The following NR1D2 variants were observed in gnomAD, a reference collection of about 807,000 sequenced individuals.
NR1D2 encodes the protein nuclear receptor subfamily 1 group D member 2.
Under a neutral mutation model 52.2 loss-of-function variants are expected in NR1D2, and 25 were observed. That is an observed-to-expected ratio of 0.48 (90% CI 0.35 to 0.67). NR1D2 has a LOEUF of 0.67. NR1D2 is among the 30% of genes least tolerant of loss of function. NR1D2 has a pLI of 0.01. For synonymous variants in NR1D2, 259 were observed against 230.1 expected, an observed-to-expected ratio of 1.13 and a Z score of -1.14; for missense variants, 681 against 707.2, an observed-to-expected ratio of 0.96 and a Z score of 0.42.
intron 5 of NR1D2, 83 bp downstream of exon 5, chr3:23,962,688 G>C: frequency 7.6e-7 from 1 of 1,321,912 alleles, no homozygotes; most frequent in African/African-American, 1.5e-5. Context: ...ATGCTAACTT[G>C]GGGGGATGGT....
chr3:23,962,233 C>A lies in NR1D2; in HGVS notation c.774C>A (p.Thr258=), dbSNP rs751939650. The part of the protein sequence containing the change: ...FAKEEVIGMV[T]RAHKDTFMYN... ...AGGAAGAAGTGATTGGCATGGTGAC[C>A]AGAGCTCACAAGGATACCTTTATGT... is the stretch of plus-strand genomic sequence containing the variant. Residue 258 remains threonine, a synonymous_variant, in exon 5 of 8, where the codon ACC becomes ACA. Coordinates refer to ENST00000312521, the MANE Select transcript of NR1D2 (RefSeq NM_005126.5). 1.2e-6 allele frequency: 2 copies of A among 1,614,106 alleles called. No homozygotes were observed. Among genetic ancestry groups the A allele is most frequent in the Admixed American group, 3.3e-5 (2 of 60,008 alleles).
intron 5 of NR1D2, among the ~76,000 whole-genome samples, chr3:23,964,355 G>A (rs1283595686): frequency 6.6e-6 from 1 of 152,200 alleles, no homozygotes; most frequent in Non-Finnish European, 1.5e-5. Flanking sequence ...GAGATTACAG[G>A]CGTGAGCCAC....
At chr3:23,961,389 C>CT (rs869108010) in intron 4 of NR1D2, among the ~76,000 whole-genome samples, 8,246 of 75,926 alleles carry the variant, frequency 0.11, 870 homozygotes, top group African/African-American at 0.26. Flanking sequence ...CTTTTTCTTT[C>CT]TTTTTTTTTT....
chr3:23,951,192 A>G (rs1705921149), intron 1 of NR1D2, among the ~76,000 whole-genome samples: 1 of 152,202 alleles, frequency 6.6e-6, no homozygotes, highest in South Asian at 2.1e-4. Flanking sequence ...GGCGTGAGCC[A>G]CTGTGCCCGG....
intron 3 of NR1D2, 62 bp downstream of exon 3, chr3:23,956,187 T>G: frequency 7.4e-7 from 1 of 1,346,996 alleles, no homozygotes; most frequent in Non-Finnish European, 1.1e-6. Flanking sequence ...TGGGTTTAGA[T>G]TTACCCATTT....
chr3:23,964,890 T>A, intron 5 of NR1D2, 87 bp from the exon 6 acceptor site: 1 of 875,472 alleles, frequency 1.1e-6, no homozygotes, highest in South Asian at 1.7e-5. Context: ...AAATTCATGT[T>A]GGGGTTTCTG....
intron 6 of NR1D2, among the ~76,000 whole-genome samples, chr3:23,966,875 C>A (rs528960222): frequency 6.6e-6 from 1 of 151,354 alleles, no homozygotes; most frequent in African/African-American, 2.4e-5. Flanking sequence ...ACAAAAAATA[C>A]AAAAATTAGC....
chr3:23,974,509 T>C (rs1031993400), intron 7 of NR1D2, among the ~76,000 whole-genome samples: 2 of 152,212 alleles, frequency 1.3e-5, no homozygotes, highest in African/African-American at 2.4e-5. Flanking sequence ...TCTGTCAGAA[T>C]GTAAGCTCCT....
At chr3:23,951,378 T>G (rs1489922343) in intron 1 of NR1D2, among the ~76,000 whole-genome samples, 1 of 152,240 alleles carries the variant, frequency 6.6e-6, no homozygotes, top group Non-Finnish European at 1.5e-5. Flanking sequence ...AGACACTATT[T>G]TAGAGAAGAC....
rs1559336869 is a variant in NR1D2, at chr3:23,968,031, A to G, written c.1543+8A>G. On this transcript the variant is annotated splice_region_variant and intron_variant, in intron 7 of 7. Transcript: ENST00000312521. ...TTGTCCTGGTATCTGCAGGTAAGCA[A>G]GCTGGTTCAAAATTGTGCCACACCT... is the stretch of plus-strand genomic sequence containing the variant. The G allele has an allele frequency of 6.2e-7, 1 of 1,612,968 alleles. No individual in the cohort carries two copies. The highest frequency in any genetic ancestry group is 1.1e-5 in the South Asian group (1 of 91,062).
rs1387290626 is a variant in NR1D2, at chr3:23,971,676, G to T, written c.1543+3653G>T. Among the ~76,000 whole-genome samples, 6 of 145,974 alleles carry T rather than the reference G, an allele frequency of 4.1e-5. No homozygotes were observed. The East Asian group carries it at 1.2e-3, about 29-fold the overall frequency. ...TTTAATTTACTTTAATGGTTTTGTTGGTAATTTTAATATACTCACAGTTTT... is the reference window on the plus strand; with the variant it reads ...TTTAATTTACTTTAATGGTTTTGTTTGTAATTTTAATATACTCACAGTTTT... On this transcript the variant is annotated intron_variant, in intron 7 of 7. Transcript: ENST00000312521.
chr3:23,964,694 C>T (rs955553467), intron 5 of NR1D2: 7 of 256,404 alleles, frequency 2.7e-5, no homozygotes, highest in African/African-American at 8.9e-5. Flanking sequence ...ACAAAATAAA[C>T]TCTTAAACCT....
intron 7 of NR1D2, among the ~76,000 whole-genome samples, chr3:23,971,568 C>G (rs1449032328): frequency 6.6e-6 from 1 of 152,130 alleles, no homozygotes; most frequent in African/African-American, 2.4e-5. Flanking sequence ...CGTGCCCAGC[C>G]TATACCTCTT....
chr3:23,969,818 G>T (rs1363773743), intron 7 of NR1D2, among the ~76,000 whole-genome samples: 2 of 152,182 alleles, frequency 1.3e-5, no homozygotes, highest in Non-Finnish European at 2.9e-5. Flanking sequence ...CATCTTGGAA[G>T]GCTCTGTGGG....
At chr3:23,976,717 TTTTC>T (rs1706732982) in intron 7 of NR1D2, among the ~76,000 whole-genome samples, 1 of 152,150 alleles carries the variant, frequency 6.6e-6, no homozygotes, top group Admixed American at 6.6e-5. Flanking sequence ...GCCATATTTT[TTTTC>T]ATTAGAAGTT....
At chr3:23,946,167 C>G (rs914099972) in intron 1 of NR1D2, 61 of 985,072 alleles carry the variant, frequency 6.2e-5, no homozygotes, top group Middle Eastern at 5.2e-4. Context: ...GCCGCGCGTG[C>G]GCGCCCGCTG....
intron 7 of NR1D2, among the ~76,000 whole-genome samples, chr3:23,976,448 G>C (rs1225589834): frequency 1.3e-5 from 2 of 152,214 alleles, no homozygotes; most frequent in African/African-American, 4.8e-5. Context: ...ATGAAGGCTT[G>C]AGTAGGGAAG....
At chr3:23,955,917 A>G in intron 2 of NR1D2, 120 bp from the exon 3 acceptor site, 4 of 622,014 alleles carry the variant, frequency 6.4e-6, no homozygotes, top group Non-Finnish European at 2.9e-6. Flanking sequence ...TTACATTATG[A>G]AAGTAGATGT....
intron 1 of NR1D2, among the ~76,000 whole-genome samples, chr3:23,947,817 A>T (rs1342809622): frequency 1.3e-5 from 2 of 152,166 alleles, no homozygotes; most frequent in Non-Finnish European, 2.9e-5. Context: ...AGGAGGTCTA[A>T]TAAGAATTGC....
Sources: allele counts gnomAD v4.1 joint callset (sites outside exome capture counted in the v4.1 genomes callset), GRCh38; gene constraint gnomAD v4.1.1; transcripts MANE v1.5; gene names NCBI Gene and HGNC (gene_info 2026-07-23, HGNC 2026-07-21).